The following DPYD variants were observed in gnomAD, a reference collection of about 807,000 sequenced individuals.
DPYD encodes the protein dihydropyrimidine dehydrogenase [NADP(+)].
A neutral mutation model predicts 116.2 loss-of-function variants in DPYD; 109 were observed. The ratio of observed to expected loss-of-function variants is 0.94; its 90% CI spans 0.80 to 1.10. The LOEUF (loss-of-function observed/expected upper bound fraction) is 1.10, where lower values mean the gene tolerates loss of function less well. DPYD is among the 50% of genes least tolerant of loss of function. The pLI, the probability that DPYD is intolerant of heterozygous loss-of-function variation, is 0.00. For synonymous variants in DPYD, 440 were observed against 432.0 expected, an observed-to-expected ratio of 1.02 and a Z score of -0.23; for missense variants, 1,302 against 1,254.5, an observed-to-expected ratio of 1.04 and a Z score of -0.57.
At chr1:97,641,641 T>C (rs1557855740) in intron 8 of DPYD, among the ~76,000 whole-genome samples, 1 of 152,148 alleles carries the variant, frequency 6.6e-6, no homozygotes, top group Non-Finnish European at 1.5e-5. Flanking sequence ...ACAGTCAATA[T>C]CACACTGAAT....
chr1:97,208,786 C>T (rs1407111558), intron 19 of DPYD, among the ~76,000 whole-genome samples: 1 of 152,120 alleles, frequency 6.6e-6, no homozygotes, highest in East Asian at 1.9e-4. Flanking sequence ...TCAGAATGAA[C>T]TTTCCATGCA....
chr1:97,106,533 C>T (rs1250019992), intron 20 of DPYD, among the ~76,000 whole-genome samples: 1 of 152,148 alleles, frequency 6.6e-6, no homozygotes, highest in Non-Finnish European at 1.5e-5. Context: ...TCTTCGCATG[C>T]TCTTGGATAT....
In DPYD at chr1:97,742,153, GA is replaced by G. The variant is rs1664302936; in HGVS notation, c.234-1675del. On this transcript the variant is annotated intron_variant, in intron 3 of 22. Transcript: ENST00000370192. ...GTGTCAGAAAAACAGCATTCTCCAA[GA>G]ATTTCACTGAGCATGAATCCTACAT... 3.3e-5 allele frequency among the ~76,000 whole-genome samples: 5 copies of G among 152,158 alleles called. No homozygotes were observed. In the South Asian group the frequency reaches 1.0e-3, roughly 32 times the overall value.
chr1:97,110,808 G>A (rs1651536319), intron 20 of DPYD, among the ~76,000 whole-genome samples: 1 of 151,906 alleles, frequency 6.6e-6, no homozygotes, highest in Admixed American at 6.6e-5. Flanking sequence ...CCACATTTTT[G>A]TTTGTGCTCA....
intron 2 of DPYD, among the ~76,000 whole-genome samples, chr1:97,850,412 A>G (rs977594421): frequency 1.3e-5 from 2 of 152,222 alleles, no homozygotes; most frequent in African/African-American, 4.8e-5. Flanking sequence ...CTAAATTCTT[A>G]GATATGAAAA....
intron 18 of DPYD, among the ~76,000 whole-genome samples, chr1:97,264,162 GTTTTTTTTTTTT>G (rs71071641): frequency 0.037 from 2,195 of 60,136 alleles, 23 homozygotes; most frequent in Non-Finnish European, 0.043. Flanking sequence ...GCAAAATTCT[GTTTTTTTTTTTT>G]TTTTTTTTTT....
At chr1:97,414,208 CA>C (rs1434230208) in intron 14 of DPYD, among the ~76,000 whole-genome samples, 1 of 152,088 alleles carries the variant, frequency 6.6e-6, no homozygotes, top group Non-Finnish European at 1.5e-5. Flanking sequence ...CATTTGATGG[CA>C]AATTTTTGTC....
intron 12 of DPYD, among the ~76,000 whole-genome samples, chr1:97,549,284 T>C (rs1158148923): frequency 6.6e-6 from 1 of 152,118 alleles, no homozygotes; most frequent in Non-Finnish European, 1.5e-5. Context: ...CAGGCTGATC[T>C]TGAACACCGG....
At chr1:97,754,686 A>G (rs1266478407) in intron 3 of DPYD, among the ~76,000 whole-genome samples, 1 of 152,224 alleles carries the variant, frequency 6.6e-6, no homozygotes, top group East Asian at 1.9e-4. Flanking sequence ...AGCAGGATGA[A>G]TAAGTTATAG....
At chr1:97,357,037 T>C (rs1313196255) in intron 16 of DPYD, among the ~76,000 whole-genome samples, 1 of 152,216 alleles carries the variant, frequency 6.6e-6, no homozygotes, top group Non-Finnish European at 1.5e-5. Flanking sequence ...TAGAATTATA[T>C]TTTCTATGTC....
intron 18 of DPYD, among the ~76,000 whole-genome samples, chr1:97,288,768 C>A (rs1208402831): frequency 1.3e-5 from 2 of 150,254 alleles, no homozygotes; most frequent in Admixed American, 1.3e-4. Context: ...AACATCACAA[C>A]TAAAAGAACT....
At chr1:97,893,429 CATATATATATATATATATATAT>C (rs59336649) in intron 1 of DPYD, among the ~76,000 whole-genome samples, 4 of 71,904 alleles carry the variant, frequency 5.6e-5, no homozygotes, top group East Asian at 1.1e-3. Context: ...ATATCCATCG[CATATATATATATATATATATAT>C]ATATATATAT....
At position 97,234,936 on chromosome 1, in the gene DPYD, A is replaced by G; in HGVS notation, c.2358T>C (p.Pro786=). Residue 786 remains proline, a synonymous_variant, in exon 19 of 23, where the codon CCT becomes CCC. Transcript: ENST00000370192. ...CACCAGTAGCCAAAATGGGAAATCC[A>G]GGCAGAGCACGAGCAATGGAGGTCA... is the stretch of plus-strand genomic sequence containing the variant. ...RAVTSIARAL[P]GFPILATGGI... The G allele has an allele frequency of 3.7e-6, 6 of 1,614,138 alleles. No homozygotes were observed. The highest frequency in any genetic ancestry group is 5.1e-6 in the Non-Finnish European group (6 of 1,180,000).
intron 13 of DPYD, among the ~76,000 whole-genome samples, chr1:97,510,557 T>G (rs1647712463): frequency 6.6e-6 from 1 of 151,928 alleles, no homozygotes; most frequent in Non-Finnish European, 1.5e-5. Flanking sequence ...TTGGGTGTCT[T>G]GGAAAGGAGT....
rs578181629 is a variant in DPYD at position 97,567,033 on chromosome 1, C to T, written c.1339+6727G>A. ...CATTTTTCATAGGCTCTTCCCAACA[C>T]TTAAACAATTGAGAAAAGAAAAATG... On this transcript the variant is annotated intron_variant, in intron 11 of 22. Transcript: ENST00000370192. 3.9e-5 allele frequency among the ~76,000 whole-genome samples: 6 copies of T among 152,204 alleles called. 1 individual carries two copies. Among genetic ancestry groups the T allele is most frequent in the African/African-American group, 1.4e-4 (6 of 41,530 alleles).
At chr1:97,652,709 C>T (rs1571133196) in intron 8 of DPYD, among the ~76,000 whole-genome samples, 1 of 152,128 alleles carries the variant, frequency 6.6e-6, no homozygotes, top group South Asian at 2.1e-4. Flanking sequence ...GGTGAAGATC[C>T]TGAGCATGGT....
intron 14 of DPYD, among the ~76,000 whole-genome samples, chr1:97,436,297 C>A (rs1009421498): frequency 6.6e-6 from 1 of 151,918 alleles, no homozygotes; most frequent in Admixed American, 6.6e-5. Flanking sequence ...ATTATGTAAG[C>A]GAGCCTACTG....
intron 3 of DPYD, among the ~76,000 whole-genome samples, chr1:97,815,029 A>G (rs1228642469): frequency 7.0e-6 from 1 of 143,860 alleles, no homozygotes; most frequent in Non-Finnish European, 1.5e-5. Flanking sequence ...GAAAGGAGGA[A>G]GGAAGGAAGG....
chr1:97,517,858 A>G (rs1328778897), intron 12 of DPYD, among the ~76,000 whole-genome samples: 4 of 152,126 alleles, frequency 2.6e-5, no homozygotes, highest in African/African-American at 4.8e-5. Flanking sequence ...ACAAGGTGAA[A>G]TAAGTGAACT....
Sources: gnomAD v4.1 joint callset for allele counts (sites outside exome capture counted in the v4.1 genomes callset) on GRCh38, gnomAD v4.1.1 for gene constraint, MANE v1.5 for transcripts, NCBI Gene and HGNC (gene_info 2026-07-23, HGNC 2026-07-21) for gene names.